The following ROBO2 variants were observed in gnomAD, a reference collection of about 807,000 sequenced individuals.
ROBO2 encodes the protein roundabout homolog 2.
A neutral mutation model predicts 160.8 loss-of-function variants in ROBO2; 53 were observed. The ratio of observed to expected loss-of-function variants is 0.33; its 90% CI spans 0.26 to 0.41. The LOEUF is 0.41. Among genes scored for constraint, ROBO2 ranks in the 10% least tolerant of loss-of-function variants. The pLI is 1.00. For missense variants in ROBO2, 1,577 were observed against 1,722.4 expected, an observed-to-expected ratio of 0.92 and a Z score of 1.49; for synonymous variants, 664 against 611.7, an observed-to-expected ratio of 1.09 and a Z score of -1.26.
At chr3:76,637,783 C>T (rs1016642324) in intron 2 of ROBO2, among the ~76,000 whole-genome samples, 3 of 152,108 alleles carry the variant, frequency 2.0e-5, no homozygotes, top group African/African-American at 7.2e-5. Context: ...TACCATAAGA[C>T]TAATCTAGGA....
intron 2 of ROBO2, among the ~76,000 whole-genome samples, chr3:77,341,566 C>T (rs1432928116): frequency 6.6e-6 from 1 of 152,094 alleles, no homozygotes; most frequent in Admixed American, 6.6e-5. Flanking sequence ...GCTAGTGAAG[C>T]AGCAACATGT....
At chr3:76,293,100 C>T (rs762414472) in intron 2 of ROBO2, among the ~76,000 whole-genome samples, 98 of 151,642 alleles carry the variant, frequency 6.5e-4, no homozygotes, top group African/African-American at 2.1e-3. Flanking sequence ...TATTATAGTT[C>T]GGTCATCAGA....
At chr3:76,573,286 A>G (rs1258195786) in intron 2 of ROBO2, among the ~76,000 whole-genome samples, 1 of 152,112 alleles carries the variant, frequency 6.6e-6, no homozygotes, top group Non-Finnish European at 1.5e-5. Flanking sequence ...TAATAGCTAC[A>G]TAACAGAGTG....
intron 2 of ROBO2, among the ~76,000 whole-genome samples, chr3:77,145,378 ATAT>A (rs2077039999): frequency 6.6e-6 from 1 of 152,128 alleles, no homozygotes; most frequent in Admixed American, 6.6e-5. Context: ...ATTTTCAAGG[ATAT>A]TATTGTGATT....
intron 5 of ROBO2, among the ~76,000 whole-genome samples, chr3:77,501,281 T>G (rs2087562633): frequency 6.6e-6 from 1 of 152,132 alleles, no homozygotes; most frequent in Admixed American, 6.5e-5. Flanking sequence ...TGTACCTAGG[T>G]TCTTACATTA....
At chr3:77,342,034 C>G (rs2067119441) in intron 2 of ROBO2, among the ~76,000 whole-genome samples, 1 of 151,920 alleles carries the variant, frequency 6.6e-6, no homozygotes, top group Non-Finnish European at 1.5e-5. Context: ...TAGGTTTAGG[C>G]CACTGGGAAA....
intron 2 of ROBO2, among the ~76,000 whole-genome samples, chr3:77,399,957 C>T (rs532855771): frequency 1.4e-3 from 210 of 152,190 alleles, no homozygotes; most frequent in South Asian, 0.012. Flanking sequence ...AGTGCGTTGC[C>T]TTGGGCTAGG....
intron 9 of ROBO2, among the ~76,000 whole-genome samples, chr3:77,561,492 A>T (rs2093321154): frequency 6.6e-6 from 1 of 152,170 alleles, no homozygotes; most frequent in South Asian, 2.1e-4. Context: ...TATTCAAAAT[A>T]TAATCACAGA....
intron 2 of ROBO2, among the ~76,000 whole-genome samples, chr3:75,981,350 C>T (rs2065268315): frequency 1.3e-5 from 2 of 151,528 alleles, no homozygotes; most frequent in East Asian, 1.9e-4. Flanking sequence ...CCTATATCTA[C>T]ATCATAGGGT....
chr3:76,555,418 A>AAGAAGAAGAAGAAGAAGAAG (rs879848225), intron 2 of ROBO2, among the ~76,000 whole-genome samples: 3 of 80,176 alleles, frequency 3.7e-5, no homozygotes, highest in Admixed American at 1.5e-4. Flanking sequence ...GAAGAAGAAG[A>AAGAAGAAGAAGAAGAAGAAG]AAGAAGGAGA....
chr3:76,794,133 T>C (rs1454637373), intron 2 of ROBO2, among the ~76,000 whole-genome samples: 1 of 151,892 alleles, frequency 6.6e-6, no homozygotes. Flanking sequence ...TATTAAAATT[T>C]GAATGGTGCA....
chr3:76,736,974 A>G (rs1159608638), intron 2 of ROBO2, among the ~76,000 whole-genome samples: 2 of 152,200 alleles, frequency 1.3e-5, no homozygotes, highest in African/African-American at 2.4e-5. Flanking sequence ...TCCTGCTTTT[A>G]TGTGCATTCC....
chr3:76,384,768 G>C (rs1215762389), intron 2 of ROBO2, among the ~76,000 whole-genome samples: 1 of 152,070 alleles, frequency 6.6e-6, no homozygotes, highest in African/African-American at 2.4e-5. Context: ...GAACTCACTT[G>C]CTATCAAGAG....
intron 2 of ROBO2, among the ~76,000 whole-genome samples, chr3:77,193,270 T>C (rs1159470912): frequency 1.4e-5 from 2 of 141,616 alleles, no homozygotes; most frequent in East Asian, 4.0e-4. Flanking sequence ...GGTCAACAGA[T>C]AATTCAAAAA....
intron 2 of ROBO2, among the ~76,000 whole-genome samples, chr3:77,001,673 A>T (rs951548286): frequency 5.3e-5 from 8 of 152,152 alleles, no homozygotes; most frequent in Admixed American, 2.0e-4. Context: ...TGGTGCCAAG[A>T]TTCTCTATGT....
intron 1 of ROBO2, among the ~76,000 whole-genome samples, chr3:77,060,370 C>T (rs542335925): frequency 6.6e-6 from 1 of 152,156 alleles, no homozygotes; most frequent in Admixed American, 6.5e-5. Context: ...AATTCCGCAT[C>T]TAGTCCATTC....
intron 2 of ROBO2, among the ~76,000 whole-genome samples, chr3:76,929,423 C>T (rs2077195653): frequency 6.6e-6 from 1 of 152,202 alleles, no homozygotes; most frequent in Non-Finnish European, 1.5e-5. Flanking sequence ...GTTCTGTCCA[C>T]AGATCCTGTG....
intron 2 of ROBO2, among the ~76,000 whole-genome samples, chr3:76,589,575 GTTCTCTAAACAC>G (rs2086284109): frequency 1.3e-5 from 2 of 152,264 alleles, no homozygotes; most frequent in South Asian, 2.1e-4. Flanking sequence ...TATAAACAAT[GTTCTCTAAACAC>G]TCCTCAAATG....
At chr3:76,008,973 A>G (rs1693909090) in intron 2 of ROBO2, among the ~76,000 whole-genome samples, 2 of 152,232 alleles carry the variant, frequency 1.3e-5, no homozygotes, top group Admixed American at 6.5e-5. Flanking sequence ...TCTAATGGTA[A>G]TACGCTGGGG....
Sources: gnomAD v4.1 joint callset for allele counts (sites outside exome capture counted in the v4.1 genomes callset) on GRCh38, gnomAD v4.1.1 for gene constraint, MANE v1.5 for transcripts, NCBI Gene and HGNC (gene_info 2026-07-23, HGNC 2026-07-21) for gene names.